CDH13: variants seen among roughly 807,000 people sequenced by gnomAD.
CDH13 encodes cadherin 13.
A neutral mutation model predicts 63.8 loss-of-function variants in CDH13; 24 were observed. The observed-to-expected ratio is 0.38, with a 90% CI of 0.27 to 0.53. The LOEUF (loss-of-function observed/expected upper bound fraction) is 0.53, where lower values mean the gene tolerates loss of function less well. CDH13 is among the 20% of genes least tolerant of loss of function. CDH13 has a pLI of 0.85. For synonymous variants in CDH13, 503 were observed against 355.3 expected (o/e 1.42, Z -4.67); for missense variants, 1,049 against 903.1 (o/e 1.16, Z -2.07).
At chr16:82,709,922 G>A (rs2031781096) in intron 1 of CDH13, among the ~76,000 whole-genome samples, 1 of 151,918 alleles carries the variant, frequency 6.6e-6, no homozygotes, top group African/African-American at 2.4e-5. Flanking sequence ...GCCCCAGAAG[G>A]GCTCTAGATG....
intron 2 of CDH13, among the ~76,000 whole-genome samples, chr16:82,907,694 C>T (rs963242441): frequency 7.9e-5 from 12 of 152,116 alleles, no homozygotes; most frequent in Admixed American, 4.6e-4. Context: ...AAGAGGTTCC[C>T]GGAACAGCCA....
intron 8 of CDH13, among the ~76,000 whole-genome samples, chr16:83,654,454 A>G (rs1427374128): frequency 6.6e-6 from 1 of 151,958 alleles, no homozygotes; most frequent in Non-Finnish European, 1.5e-5. Flanking sequence ...CCTGTATAGG[A>G]CAATGTGCAA....
chr16:83,491,146 G>A (rs946453332), intron 7 of CDH13, among the ~76,000 whole-genome samples: 9 of 152,184 alleles, frequency 5.9e-5, no homozygotes, highest in Admixed American at 2.0e-4. Flanking sequence ...CAATCATCTG[G>A]TAATCTAATT....
At chr16:82,919,994 C>CA (rs1159255804) in intron 2 of CDH13, among the ~76,000 whole-genome samples, 1 of 152,168 alleles carries the variant, frequency 6.6e-6, no homozygotes, top group East Asian at 1.9e-4. Context: ...ATATCGAGAT[C>CA]AAAATGTGTG....
intron 6 of CDH13, among the ~76,000 whole-genome samples, chr16:83,364,145 A>T (rs55967401): frequency 0.028 from 4,297 of 152,262 alleles, 112 homozygotes; most frequent in East Asian, 0.14. Context: ...ACTGCTTCTC[A>T]TGGGGACCAA....
chr16:82,684,802 A>T (rs1345985951), intron 1 of CDH13, among the ~76,000 whole-genome samples: 1 of 152,184 alleles, frequency 6.6e-6, no homozygotes, highest in African/African-American at 2.4e-5. Flanking sequence ...GCCTGAGCCC[A>T]CTCAGAGCCC....
intron 10 of CDH13, among the ~76,000 whole-genome samples, chr16:83,712,049 T>G (rs1908140230): frequency 6.6e-6 from 1 of 152,264 alleles, no homozygotes; most frequent in South Asian, 2.1e-4. Flanking sequence ...CCTCTCTGTC[T>G]GTCTGTGCCC....
intron 1 of CDH13, among the ~76,000 whole-genome samples, chr16:82,716,930 A>G (rs541785174): frequency 6.6e-5 from 10 of 151,862 alleles, no homozygotes; most frequent in African/African-American, 2.4e-4. Flanking sequence ...CCCGGTGTAG[A>G]GTTTGGTGTT....
chr16:83,680,975 G>T (rs976896393), intron 10 of CDH13, among the ~76,000 whole-genome samples: 1 of 151,994 alleles, frequency 6.6e-6, no homozygotes, highest in Non-Finnish European at 1.5e-5. Context: ...AGAGGGAAGA[G>T]GCACCAGCAA....
intron 5 of CDH13, among the ~76,000 whole-genome samples, chr16:83,233,310 G>A (rs778710568): frequency 1.8e-4 from 27 of 152,152 alleles, no homozygotes; most frequent in South Asian, 6.2e-4. Context: ...TGACGACCAC[G>A]ACAATGTTGA....
At chr16:83,200,302 C>G (rs1463140913) in intron 4 of CDH13, among the ~76,000 whole-genome samples, 1 of 152,194 alleles carries the variant, frequency 6.6e-6, no homozygotes, top group South Asian at 2.1e-4. Flanking sequence ...GAGCTGAAAT[C>G]TGTCCATTCC....
At chr16:82,946,099 T>G (rs1904685167) in intron 2 of CDH13, among the ~76,000 whole-genome samples, 1 of 151,992 alleles carries the variant, frequency 6.6e-6, no homozygotes, top group East Asian at 1.9e-4. Flanking sequence ...GTATAAGTCT[T>G]TCTGATCTTT....
rs182429960 is a variant in CDH13, at chr16:83,113,717, G to A, written c.367-11668G>A. 1.7e-3 allele frequency among the ~76,000 whole-genome samples: 261 copies of A among 152,250 alleles called. 2 individuals are homozygous for A. The highest frequency in any genetic ancestry group is 4.3e-3 in the African/African-American group (177 of 41,552). On this transcript the variant is annotated intron_variant, in intron 3 of 13. Coordinates refer to ENST00000567109, the MANE Select transcript of CDH13 (RefSeq NM_001257.5). ...TTGAGTGGAGAGTAGAAGGATGGGT[G>A]GGGGGTTAACCAGGCACAAGAGGGG...
chr16:83,380,898 C>A (rs1402471184), intron 6 of CDH13, among the ~76,000 whole-genome samples: 4 of 151,750 alleles, frequency 2.6e-5, no homozygotes, highest in African/African-American at 4.8e-5. Context: ...AACTAGCAGC[C>A]CTGCCACAAA....
chr16:83,187,997 G>C (rs1276014966), intron 4 of CDH13, among the ~76,000 whole-genome samples: 1 of 152,186 alleles, frequency 6.6e-6, no homozygotes, highest in Non-Finnish European at 1.5e-5. Flanking sequence ...AGTGTGTCCA[G>C]AATATTCTAG....
At chr16:83,025,407 A>G (rs372537634) in intron 2 of CDH13, among the ~76,000 whole-genome samples, 46 of 152,338 alleles carry the variant, frequency 3.0e-4, no homozygotes, top group East Asian at 2.1e-3. Flanking sequence ...CAATCTTGGC[A>G]GAAGGGAAAG....
At chr16:83,128,807 G>A (rs2035920582) in intron 4 of CDH13, among the ~76,000 whole-genome samples, 1 of 152,158 alleles carries the variant, frequency 6.6e-6, no homozygotes, top group East Asian at 1.9e-4. Context: ...TGGTTTGCAA[G>A]CTGAGGACTC....
intron 8 of CDH13, among the ~76,000 whole-genome samples, chr16:83,626,267 C>G (rs958965655): frequency 1.6e-4 from 25 of 152,120 alleles, no homozygotes; most frequent in African/African-American, 5.6e-4. Flanking sequence ...GGAGTCAATG[C>G]TAGAGGCCCC....
chr16:83,043,386 T>C (rs1917491609), intron 3 of CDH13, among the ~76,000 whole-genome samples: 1 of 152,080 alleles, frequency 6.6e-6, no homozygotes, highest in African/African-American at 2.4e-5. Context: ...CCAATAGAAA[T>C]GTAATGAAAG....
Sources: gnomAD v4.1 joint callset for allele counts (sites outside exome capture counted in the v4.1 genomes callset) on GRCh38, gnomAD v4.1.1 for gene constraint, MANE v1.5 for transcripts, NCBI Gene and HGNC (gene_info 2026-07-23, HGNC 2026-07-21) for gene names.